Variants in RNGTT observed in about 807,000 individuals in gnomAD.
The protein encoded by RNGTT is RNA guanylyltransferase and 5'-phosphatase.
In RNGTT, 33 loss-of-function variants were observed where a neutral mutation model predicts 79.3. The ratio of observed to expected loss-of-function variants is 0.42; its 90% CI spans 0.32 to 0.56. The LOEUF (loss-of-function observed/expected upper bound fraction) is 0.56, where lower values mean the gene tolerates loss of function less well. Among genes scored for constraint, RNGTT ranks in the 20% least tolerant of loss-of-function variants. The probability of loss-of-function intolerance (pLI) is 0.17; values close to 1 mark genes in which losing one functional copy is unlikely to be tolerated. For synonymous variants in RNGTT, 222 were observed against 235.9 expected (o/e 0.94, Z 0.54); for missense variants, 497 against 739.1 (o/e 0.67, Z 3.80).
At chr6:88,887,090 T>A (rs1782888109) in intron 8 of RNGTT, among the ~76,000 whole-genome samples, 1 of 149,286 alleles carries the variant, frequency 6.7e-6, no homozygotes, top group South Asian at 2.2e-4. Context: ...CTTACTGTTA[T>A]CTCCAGGCCC....
chr6:88,682,535 G>T (rs1373455599), intron 13 of RNGTT, among the ~76,000 whole-genome samples: 1 of 152,152 alleles, frequency 6.6e-6, no homozygotes, highest in Non-Finnish European at 1.5e-5. Context: ...CTTCTAGTGG[G>T]ATGTAAATTT....
intron 6 of RNGTT, among the ~76,000 whole-genome samples, chr6:88,897,366 A>G (rs1783286186): frequency 2.0e-5 from 3 of 152,158 alleles, no homozygotes; most frequent in African/African-American, 7.2e-5. Context: ...TCCAGTACTA[A>G]GAAAGATATT....
At chr6:88,696,601 T>TACACACACAC (rs67058652) in intron 13 of RNGTT, among the ~76,000 whole-genome samples, 7,522 of 147,488 alleles carry the variant, frequency 0.051, 195 homozygotes, top group South Asian at 0.11. Context: ...AATCCTGAAG[T>TACACACACAC]ACACACACAC....
chr6:88,959,240 G>A (rs1420948595), intron 1 of RNGTT, among the ~76,000 whole-genome samples: 1 of 151,976 alleles, frequency 6.6e-6, no homozygotes, highest in Non-Finnish European at 1.5e-5. Context: ...AGGGATAAAA[G>A]ACTACTACAG....
intron 13 of RNGTT, among the ~76,000 whole-genome samples, chr6:88,733,161 G>T (rs376506955): frequency 6.6e-6 from 1 of 152,052 alleles, no homozygotes; most frequent in African/African-American, 2.4e-5. Flanking sequence ...AGGAGTTTGA[G>T]ATCAGCCTGG....
chr6:88,923,167 G>A (rs186353381), intron 4 of RNGTT, among the ~76,000 whole-genome samples: 62 of 152,314 alleles, frequency 4.1e-4, no homozygotes, highest in Middle Eastern at 6.8e-3. Flanking sequence ...ACATAAGTGG[G>A]TTCAAGTGGT....
Position 88,702,821 on chromosome 6 carries a change from C to T in RNGTT, c.1440-24402G>A, listed in dbSNP as rs951236730. On this transcript the variant is annotated intron_variant, in intron 13 of 15. Transcript: ENST00000369485. ...ATGCATCCAACAAAGGTCTAATATC[C>T]GGAATCTATCAGTAACTGAAACAAC... Among the ~76,000 whole-genome samples the T allele has an allele frequency of 3.9e-5, 6 of 152,148 alleles. No homozygotes were observed. In the South Asian group the frequency reaches 8.3e-4, roughly 21 times the overall value.
chr6:88,907,728 G>T (rs1783701724), intron 4 of RNGTT, among the ~76,000 whole-genome samples: 1 of 148,554 alleles, frequency 6.7e-6, no homozygotes, highest in Admixed American at 6.7e-5. Flanking sequence ...TAATATTTAA[G>T]CTGTATCTTT....
chr6:88,739,725 TTATATATATATATATATATATATATA>T (rs367967175), intron 13 of RNGTT, among the ~76,000 whole-genome samples: 4,011 of 94,158 alleles, frequency 0.043, 196 homozygotes, highest in African/African-American at 0.07. Flanking sequence ...GTGAAAAAAA[TTATATATATATATATATATATATATA>T]TATATATATA....
At chr6:88,682,046 G>A (rs1286551053) in intron 13 of RNGTT, among the ~76,000 whole-genome samples, 1 of 152,070 alleles carries the variant, frequency 6.6e-6, no homozygotes, top group East Asian at 1.9e-4. Flanking sequence ...TTCCAGAAAA[G>A]TTTCTCATAA....
At chr6:88,665,079 T>TC (rs1244121050) in intron 14 of RNGTT, among the ~76,000 whole-genome samples, 1 of 152,118 alleles carries the variant, frequency 6.6e-6, no homozygotes, top group Non-Finnish European at 1.5e-5. Context: ...AGAGCTATCT[T>TC]CCTTTACCAA....
intron 1 of RNGTT, among the ~76,000 whole-genome samples, chr6:88,946,792 T>C (rs1430593074): frequency 6.8e-6 from 1 of 146,794 alleles, no homozygotes; most frequent in Admixed American, 6.8e-5. Context: ...ATGCCTGCGA[T>C]TGCAGGCACG....
chr6:88,929,917 C>G (rs115210413), intron 2 of RNGTT, among the ~76,000 whole-genome samples: 3,229 of 149,534 alleles, frequency 0.022, 114 homozygotes, highest in African/African-American at 0.075. Flanking sequence ...TGCATATATA[C>G]ACGTATATAC....
intron 14 of RNGTT, among the ~76,000 whole-genome samples, chr6:88,670,508 AG>A (rs1384656427): frequency 6.6e-6 from 1 of 152,198 alleles, no homozygotes; most frequent in Admixed American, 6.5e-5. Context: ...GGAATAAGGA[AG>A]GAGACCACCT....
chr6:88,746,837 T>C (rs1777675603), intron 13 of RNGTT, among the ~76,000 whole-genome samples: 1 of 152,186 alleles, frequency 6.6e-6, no homozygotes, highest in Admixed American at 6.5e-5. Context: ...AGAAATACTC[T>C]ATACTGATTC....
chr6:88,743,202 T>A (rs1777553907), intron 13 of RNGTT, among the ~76,000 whole-genome samples: 1 of 152,210 alleles, frequency 6.6e-6, no homozygotes, highest in Non-Finnish European at 1.5e-5. Context: ...TTTTGGAGTA[T>A]AACAAGGATT....
intron 1 of RNGTT, among the ~76,000 whole-genome samples, chr6:88,951,012 C>A (rs1298119804): frequency 6.6e-6 from 1 of 152,038 alleles, no homozygotes; most frequent in Non-Finnish European, 1.5e-5. Context: ...GTGCCTGCCA[C>A]CATGCCCAGC....
At chr6:88,642,235 T>C (rs148294618) in intron 14 of RNGTT, among the ~76,000 whole-genome samples, 127 of 152,280 alleles carry the variant, frequency 8.3e-4, no homozygotes, top group Non-Finnish European at 1.5e-3. Context: ...ATACTAATCA[T>C]GGACCACTTT....
At chr6:88,739,739 A>ATATATG (rs1307562671) in intron 13 of RNGTT, among the ~76,000 whole-genome samples, 8 of 27,716 alleles carry the variant, frequency 2.9e-4, no homozygotes, top group South Asian at 2.2e-3. Context: ...ATATATATAT[A>ATATATG]TATATATATA....
Sources: gnomAD v4.1 joint callset for allele counts (sites outside exome capture counted in the v4.1 genomes callset) on GRCh38, gnomAD v4.1.1 for gene constraint, MANE v1.5 for transcripts, NCBI Gene and HGNC (gene_info 2026-07-23, HGNC 2026-07-21) for gene names.